Variants in DDX21 observed in about 807,000 individuals in gnomAD.
The protein encoded by DDX21 is nucleolar RNA helicase 2.
Under a neutral mutation model 90.0 loss-of-function variants are expected in DDX21, and 18 were observed. The ratio of observed to expected loss-of-function variants is 0.20; its 90% CI spans 0.14 to 0.30. The LOEUF (loss-of-function observed/expected upper bound fraction) is 0.30. Ranked by LOEUF, DDX21 falls within the 10% of genes least tolerant of loss-of-function variation. The probability of loss-of-function intolerance (pLI) is 1.00; values close to 1 mark genes in which losing one functional copy is unlikely to be tolerated. For synonymous variants in DDX21, 294 were observed against 318.0 expected (o/e 0.92, Z 0.80); for missense variants, 673 against 944.5 (o/e 0.71, Z 3.77).
intron 14 of DDX21, 68 bp from the exon 15 acceptor site, chr10:68,982,474 GT>G: frequency 6.5e-7 from 1 of 1,535,196 alleles, no homozygotes; most frequent in Non-Finnish European, 8.8e-7. Flanking sequence ...CAAATATTTT[GT>G]TTTTCTCATG....
In DDX21 at chr10:68,984,135, C is replaced by T. The variant is rs977958943; in HGVS notation, c.*1323C>T. 6.6e-6 allele frequency: 1 copy of T among 152,186 alleles called. No homozygotes were observed. Among genetic ancestry groups the T allele is most frequent in the African/African-American group, 2.4e-5 (1 of 41,446 alleles). 9.4% of individuals were successfully genotyped at this position (152,186 alleles called of 1,614,324 possible). A position where few individuals can be genotyped will look rare whatever the true frequency, so the allele number is the denominator to read the frequency against. On this transcript the variant is annotated 3_prime_UTR_variant, in exon 15 of 15. Transcript: ENST00000354185. ...GAGCTTAAGAGTGGCATTATCTTCT[C>T]GCCTTAATTTCCAGAGATTATTTCT... is the stretch of plus-strand genomic sequence containing the variant.
At chr10:68,966,592 A>G (rs1012816497) in intron 5 of DDX21, among the ~76,000 whole-genome samples, 2 of 151,948 alleles carry the variant, frequency 1.3e-5, no homozygotes, top group African/African-American at 2.4e-5. Flanking sequence ...ACAGGCGCCC[A>G]CCACTGCGCC....
In DDX21 at chr10:68,956,177, TC is replaced by T; in HGVS notation, c.-48del. The stretch of plus-strand genomic sequence containing the variant: ...CCCAGGGTGGGGAACTACCTCTTCC[TC>T]TCCACGCGGTTGAGAAGACCGGTCG... On this transcript the variant is annotated 5_prime_UTR_variant, in exon 1 of 15. Transcript: ENST00000354185. 6.3e-7 allele frequency: 1 copy of T among 1,597,492 alleles called. No individual in the cohort carries two copies. The highest frequency in any genetic ancestry group is 8.6e-7 in the Non-Finnish European group (1 of 1,168,044).
Position 68,956,291 on chromosome 10 carries a change from A to G in DDX21, c.66A>G (p.Thr22=). 1.2e-6 allele frequency: 2 copies of G among 1,614,210 alleles called. No homozygotes were observed. The highest frequency in any genetic ancestry group is 8.5e-7 in the Non-Finnish European group (1 of 1,180,032). The change falls in exon 1 of 15, where the codon ACA becomes ACG. Residue 22 remains threonine, a synonymous_variant. Transcript: ENST00000354185. ...ESDTAMKKGE[T]LRKQTEEKEK... is the part of the protein sequence containing the mutation. ...ACACCGCAATGAAAAAAGGGGAGAC[A>G]CTGCGAAAGCAAACCGAGGAGGTGA...
In DDX21 at chr10:68,982,956, G is replaced by A. The variant is rs752995940; in HGVS notation, c.*144G>A. On this transcript the variant is annotated 3_prime_UTR_variant, in exon 15 of 15. Coordinates refer to ENST00000354185, the MANE Select transcript of DDX21 (RefSeq NM_004728.4). ...CCCTGTCTCTTTCAGACACAGACAA[G>A]CTTCATTTAAATTATTTCATCTGAT... is the stretch of plus-strand genomic sequence containing the variant. 191 of 991,052 alleles carry A rather than the reference G, an allele frequency of 1.9e-4. No homozygotes were observed. The highest frequency in any genetic ancestry group is 2.3e-4 in the Non-Finnish European group (159 of 685,804). 61.4% of individuals were successfully genotyped at this position (991,052 alleles called of 1,614,324 possible). A position where few individuals can be genotyped will look rare whatever the true frequency, so the allele number is the denominator to read the frequency against.
intron 7 of DDX21, among the ~76,000 whole-genome samples, chr10:68,969,349 C>T (rs942791708): frequency 2.6e-5 from 4 of 152,086 alleles, no homozygotes; most frequent in Admixed American, 6.6e-5. Context: ...GCGCAATCTC[C>T]GTTCACTGCA....
rs777360636 is a variant in DDX21, at chr10:68,965,639, C to G, written c.904+145C>G. On this transcript the variant is annotated intron_variant, in intron 5 of 14. Transcript: ENST00000354185. ...TCTTTTGCCATTGTTTAAACATGGT[C>G]AAGAACATGGTCCTGCTTGATGATA... 7.1e-5 allele frequency: 44 copies of G among 622,500 alleles called. 1 individual carries two copies. Among genetic ancestry groups the G allele is most frequent in the Non-Finnish European group, 9.5e-5 (34 of 358,544 alleles). 38.6% of individuals were successfully genotyped at this position (622,500 alleles called of 1,614,324 possible). A position where few individuals can be genotyped will look rare whatever the true frequency, so the allele number is the denominator to read the frequency against.
intron 7 of DDX21, among the ~76,000 whole-genome samples, chr10:68,969,543 G>T (rs1842992172): frequency 6.6e-6 from 1 of 152,192 alleles, no homozygotes; most frequent in African/African-American, 2.4e-5. Flanking sequence ...CTCCCAAAGT[G>T]CTGGGATTAC....
chr10:68,959,884 A>G lies in DDX21; in HGVS notation c.166A>G (p.Lys56Glu). ...GGAAGAAACTGTTTTCCCCAAAGCT[A>G]AACAAGTTAAAAAGAAAGCAGAGCC... ...EEEETVFPKAKQVKKKAEPSE... is the reference protein window; with the variant it reads ...EEEETVFPKAEQVKKKAEPSE... The change falls in exon 2 of 15, where the codon AAA (lysine) becomes GAA (glutamate). Residue 56 changes from lysine (K) to glutamate (E), a missense_variant. Lys to Glu is a moderately conservative substitution (Grantham distance 56). Coordinates refer to ENST00000354185, the MANE Select transcript of DDX21 (RefSeq NM_004728.4). 1 of 1,600,882 alleles carries G rather than the reference A, an allele frequency of 6.2e-7. No individual in the cohort carries two copies. Among genetic ancestry groups the G allele is most frequent in the Non-Finnish European group, 8.5e-7 (1 of 1,177,374 alleles).
At position 68,984,489 on chromosome 10, in the gene DDX21, C is replaced by T. The variant is rs902349397; in HGVS notation, c.*1677C>T. 1 of 152,138 alleles carries T rather than the reference C, an allele frequency of 6.6e-6. No homozygotes were observed. The highest frequency in any genetic ancestry group is 2.4e-5 in the African/African-American group (1 of 41,428). The allele number at this position is 152,138 out of a possible 1,614,324, so 9.4% of individuals were successfully genotyped here. On this transcript the variant is annotated 3_prime_UTR_variant, in exon 15 of 15. Coordinates refer to ENST00000354185, the MANE Select transcript of DDX21 (RefSeq NM_004728.4). ...CCACTTGCCAGTTTTATCACTTTAC[C>T]CTTGTTCCTCATGGCTTCCCATCAA... is the stretch of plus-strand genomic sequence containing the variant.
In DDX21 at chr10:68,970,485, C is replaced by CTTTT. The variant is rs35874790; in HGVS notation, c.1386+150_1386+153dup. 417 of 529,978 alleles carry CTTTT rather than the reference C, an allele frequency of 7.9e-4. 2 individuals are homozygous for CTTTT. The highest frequency in any genetic ancestry group is 7.2e-3 in the African/African-American group (319 of 44,096). 32.8% of individuals were successfully genotyped at this position (529,978 alleles called of 1,614,324 possible). A position where few individuals can be genotyped will look rare whatever the true frequency, so the allele number is the denominator to read the frequency against. ...TTAGTTTAGAAATGAGAGGAAGCTA[C>CTTTT]TTTTTTTTTTTTTTTTTTAATTGAG... On this transcript the variant is annotated intron_variant, in intron 8 of 14. Transcript: ENST00000354185.
intron 5 of DDX21, among the ~76,000 whole-genome samples, chr10:68,965,806 T>C (rs1223565007): frequency 6.6e-6 from 1 of 152,160 alleles, no homozygotes; most frequent in East Asian, 1.9e-4. Flanking sequence ...GTTCCTCTTG[T>C]CTGTCAGGAC....
At chr10:68,957,475 T>C (rs1842813848) in intron 1 of DDX21, among the ~76,000 whole-genome samples, 1 of 152,232 alleles carries the variant, frequency 6.6e-6, no homozygotes, top group African/African-American at 2.4e-5. Context: ...GAATTAACTT[T>C]CCTTGTTGGT....
At chr10:68,956,984 G>A (rs899269454) in intron 1 of DDX21, among the ~76,000 whole-genome samples, 3 of 151,692 alleles carry the variant, frequency 2.0e-5, no homozygotes, top group Non-Finnish European at 4.4e-5. Context: ...GGAGGTTGTG[G>A]TGAGCCGAGA....
chr10:68,963,215 A>G (rs1842895504), intron 3 of DDX21, 76 bp from the exon 4 acceptor site: 1 of 1,390,252 alleles, frequency 7.2e-7, no homozygotes. Flanking sequence ...AAGCATGAGT[A>G]GTATACTTCA....
intron 12 of DDX21, among the ~76,000 whole-genome samples, chr10:68,978,601 A>G (rs1019801960): frequency 5.3e-5 from 8 of 152,204 alleles, no homozygotes; most frequent in Non-Finnish European, 1.2e-4. Context: ...CAGCTTCCCT[A>G]AATGGCAATA....
rs1409123292 is a variant in DDX21, at chr10:68,982,683, CAG to C, written c.2225_2226del (p.Arg742LysfsTer10). On this transcript the variant is annotated frameshift_variant, in exon 15 of 15. Coordinates refer to ENST00000354185, the MANE Select transcript of DDX21 (RefSeq NM_004728.4). LOFTEE classifies it high-confidence loss of function. Reference sequence around the variant, plus strand: ...GCTTCAGGGGACAGCGGGACGGAAACAGAAGATTCAGAGGACAGCGGGAAGGC... The same window carrying C: ...GCTTCAGGGGACAGCGGGACGGAAACAAGATTCAGAGGACAGCGGGAAGGC... ...RGFRGQRDGN[R>X]RFRGQREGSR... is the part of the protein sequence containing the mutation. 6.2e-7 allele frequency: 1 copy of C among 1,613,752 alleles called. No homozygotes were observed. The highest frequency in any genetic ancestry group is 8.5e-7 in the Non-Finnish European group (1 of 1,179,936).
chr10:68,975,770 C>T (rs910903248), intron 11 of DDX21, among the ~76,000 whole-genome samples: 17 of 151,998 alleles, frequency 1.1e-4, no homozygotes, highest in African/African-American at 2.4e-4. Flanking sequence ...AAAATTAGGC[C>T]GGGTGCGGTG....
chr10:68,978,722 T>G, intron 12 of DDX21, 120 bp from the exon 13 acceptor site: 68 of 1,302,314 alleles, frequency 5.2e-5, no homozygotes, highest in Middle Eastern at 2.1e-4. Flanking sequence ...ATTGTTTGTG[T>G]GAGATGTATG....
Sources: gnomAD v4.1 joint callset for allele counts (sites outside exome capture counted in the v4.1 genomes callset) on GRCh38, gnomAD v4.1.1 for gene constraint, MANE v1.5 for transcripts, NCBI Gene and HGNC (gene_info 2026-07-23, HGNC 2026-07-21) for gene names.